TADA2A: variants seen among roughly 807,000 people sequenced by gnomAD.
The protein encoded by TADA2A is transcriptional adaptor 2A.
Under a neutral mutation model 67.4 loss-of-function variants are expected in TADA2A, and 38 were observed. The ratio of observed to expected loss-of-function variants is 0.56; its 90% CI spans 0.44 to 0.74. The LOEUF (loss-of-function observed/expected upper bound fraction) is 0.74. TADA2A is among the 30% of genes least tolerant of loss of function. TADA2A has a pLI of 0.00. For synonymous variants in TADA2A, 192 were observed against 181.6 expected (o/e 1.06, Z -0.46); for missense variants, 454 against 547.0 (o/e 0.83, Z 1.70).
intron 3 of TADA2A, 90 bp downstream of exon 3, chr17:37,423,705 G>T: frequency 1.1e-6 from 1 of 930,058 alleles, no homozygotes; most frequent in Non-Finnish European, 1.6e-6. Flanking sequence ...CTGCTAAGGA[G>T]ATCTATGTCT....
At chr17:37,418,434 G>A (rs188230216) in intron 2 of TADA2A, among the ~76,000 whole-genome samples, 1 of 152,090 alleles carries the variant, frequency 6.6e-6, no homozygotes, top group South Asian at 2.1e-4. Flanking sequence ...GGCTCCCTAG[G>A]GGGGAGTTGA....
At chr17:37,417,098 G>A (rs986621671) in intron 2 of TADA2A, among the ~76,000 whole-genome samples, 4 of 151,826 alleles carry the variant, frequency 2.6e-5, no homozygotes, top group African/African-American at 9.7e-5. Context: ...ACATACAAAA[G>A]ACCGGGCACA....
chr17:37,423,530 C>G lies in TADA2A; in HGVS notation c.47C>G (p.Pro16Arg). The change falls in exon 3 of 16, where the codon CCT (proline) becomes CGT (arginine). Residue 16 changes from proline (P) to arginine (R), a missense_variant. This residue lies in a region of TADA2A where 403 missense variants were observed against 455.5 expected (regional missense o/e 0.88). Transcript: ENST00000615182. ...CTAGATGATCCCTCTGATAAGCCAC[C>G]TTGCCGAGGCTGCTCCTCCTACCTC... ...SFSNDPSDKP[P>R]CRGCSSYLME... The G allele has an allele frequency of 6.2e-7, 1 of 1,612,206 alleles. No homozygotes were observed. The highest frequency in any genetic ancestry group is 8.5e-7 in the Non-Finnish European group (1 of 1,179,622).
intron 2 of TADA2A, among the ~76,000 whole-genome samples, chr17:37,413,911 T>TA (rs2051958001): frequency 6.6e-6 from 1 of 152,178 alleles, no homozygotes; most frequent in Admixed American, 6.6e-5. Flanking sequence ...ATAATAAGCA[T>TA]AGCACTCGAG....
intron 4 of TADA2A, among the ~76,000 whole-genome samples, chr17:37,428,104 G>A (rs927513454): frequency 6.6e-6 from 1 of 152,152 alleles, no homozygotes; most frequent in Middle Eastern, 3.2e-3. Flanking sequence ...AAGGATCCTG[G>A]CAGGCTTGAC....
At chr17:37,444,349 G>C (rs1047179690) in intron 7 of TADA2A, among the ~76,000 whole-genome samples, 2 of 151,914 alleles carry the variant, frequency 1.3e-5, no homozygotes, top group Non-Finnish European at 2.9e-5. Flanking sequence ...TGAACTCCTG[G>C]TCTCAAGTGA....
At chr17:37,460,402 T>C (rs918971650) in intron 9 of TADA2A, among the ~76,000 whole-genome samples, 1 of 151,952 alleles carries the variant, frequency 6.6e-6, no homozygotes, top group Non-Finnish European at 1.5e-5. Flanking sequence ...CGTGCCATCA[T>C]GCCCAGCTAA....
chr17:37,418,136 TTA>T (rs1471178904), intron 2 of TADA2A, among the ~76,000 whole-genome samples: 1 of 152,210 alleles, frequency 6.6e-6, no homozygotes, highest in Non-Finnish European at 1.5e-5. Context: ...TCCTCTAGAC[TTA>T]TATACAATTG....
chr17:37,434,435 A>G (rs1002184688), intron 4 of TADA2A, among the ~76,000 whole-genome samples: 13 of 152,226 alleles, frequency 8.5e-5, no homozygotes, highest in African/African-American at 2.9e-4. Flanking sequence ...TGTGTTCAGC[A>G]GCCCGGAAGC....
At chr17:37,424,358 C>CT (rs1222178749) in intron 3 of TADA2A, among the ~76,000 whole-genome samples, 198 of 142,530 alleles carry the variant, frequency 1.4e-3, no homozygotes, top group Middle Eastern at 3.6e-3. Context: ...GCAGGAGAAT[C>CT]TTTTTTTTTT....
chr17:37,418,267 A>G (rs117305073), intron 2 of TADA2A, among the ~76,000 whole-genome samples: 4,924 of 152,300 alleles, frequency 0.032, 115 homozygotes, highest in South Asian at 0.11. Context: ...CTGGTGGGAC[A>G]TTTGAAAGTT....
intron 10 of TADA2A, 138 bp downstream of exon 10, chr17:37,462,259 C>T: frequency 1.7e-6 from 1 of 591,180 alleles, no homozygotes; most frequent in South Asian, 2.3e-5. Context: ...AAGTAAGAAT[C>T]TCTGGGGTTG....
At chr17:37,432,741 T>TA (rs2052606642) in intron 4 of TADA2A, among the ~76,000 whole-genome samples, 1 of 152,126 alleles carries the variant, frequency 6.6e-6, no homozygotes, top group Non-Finnish European at 1.5e-5. Context: ...GGTCATAGAG[T>TA]AAATGATTGT....
At chr17:37,457,022 AC>A (rs1568172495) in intron 8 of TADA2A, among the ~76,000 whole-genome samples, 1 of 152,144 alleles carries the variant, frequency 6.6e-6, no homozygotes, top group Non-Finnish European at 1.5e-5. Flanking sequence ...GGAACTTTTC[AC>A]TACAGAATGC....
chr17:37,410,524 G>T (rs1011074944), intron 1 of TADA2A, among the ~76,000 whole-genome samples: 2 of 152,054 alleles, frequency 1.3e-5, no homozygotes, highest in Non-Finnish European at 2.9e-5. Context: ...TGTTGTAATA[G>T]ATAGGATTTT....
rs2053687584 is a variant in TADA2A, at chr17:37,467,364, G to A, written c.824-90G>A. 2.9e-6 allele frequency: 3 copies of A among 1,027,030 alleles called. No homozygotes were observed. The Admixed American group carries it at 6.2e-5, about 21-fold the overall frequency. 63.6% of individuals were successfully genotyped at this position (1,027,030 alleles called of 1,614,324 possible). A position where few individuals can be genotyped will look rare whatever the true frequency, so the allele number is the denominator to read the frequency against. ...TGAACTTCCCTAGTCTTATAAGGCA[G>A]AATTAATGAAAATGCTCAATAGCAA... On this transcript the variant is annotated intron_variant, in intron 11 of 15. Coordinates refer to ENST00000615182, the MANE Select transcript of TADA2A (RefSeq NM_001166105.3).
intron 14 of TADA2A, 45 bp downstream of exon 14, chr17:37,471,182 C>T: frequency 6.3e-7 from 1 of 1,595,672 alleles, no homozygotes; most frequent in Non-Finnish European, 8.6e-7. Flanking sequence ...GTGAAGTTTG[C>T]ATCGTAGGGG....
At chr17:37,433,499 A>C (rs2052631830) in intron 4 of TADA2A, among the ~76,000 whole-genome samples, 1 of 151,990 alleles carries the variant, frequency 6.6e-6, no homozygotes, top group Non-Finnish European at 1.5e-5. Context: ...TGCTGCAGAA[A>C]AATTTAAAAA....
At chr17:37,475,540 T>A (rs1429808962) in intron 15 of TADA2A, among the ~76,000 whole-genome samples, 2 of 151,428 alleles carry the variant, frequency 1.3e-5, no homozygotes, top group Non-Finnish European at 2.9e-5. Flanking sequence ...TGGTGTGATC[T>A]CGGCTCACTG....
Sources: gnomAD v4.1 joint callset for allele counts (sites outside exome capture counted in the v4.1 genomes callset) on GRCh38, gnomAD v4.1.1 for gene constraint, gnomAD v4.1.1 regional missense constraint, MANE v1.5 for transcripts, NCBI Gene and HGNC (gene_info 2026-07-23, HGNC 2026-07-21) for gene names.